CPXM2: variants seen among roughly 807,000 people sequenced by gnomAD.
CPXM2 encodes the protein inactive carboxypeptidase-like protein X2.
In CPXM2, 66 loss-of-function variants were observed where a neutral mutation model predicts 86.1. The ratio of observed to expected loss-of-function variants is 0.77; its 90% CI spans 0.63 to 0.94. CPXM2 has a LOEUF of 0.94. CPXM2 is among the 40% of genes least tolerant of loss of function. CPXM2 has a pLI of 0.00. For missense variants in CPXM2, 948 were observed against 1,026.3 expected (o/e 0.92, Z 1.04); for synonymous variants, 388 against 400.2 (o/e 0.97, Z 0.36).
chr10:123,822,566 G>A (rs956731267), intron 4 of CPXM2, among the ~76,000 whole-genome samples: 2 of 151,958 alleles, frequency 1.3e-5, no homozygotes, highest in Admixed American at 6.6e-5. Context: ...GCGAGTTGGG[G>A]GAGGCACTTC....
intron 4 of CPXM2, among the ~76,000 whole-genome samples, chr10:123,831,872 C>T (rs1305785416): frequency 2.0e-5 from 3 of 151,094 alleles, no homozygotes; most frequent in Non-Finnish European, 4.4e-5. Flanking sequence ...AAACTTAATT[C>T]TTTGCCATGT....
intron 2 of CPXM2, among the ~76,000 whole-genome samples, chr10:123,934,172 A>G (rs1315025222): frequency 6.6e-6 from 1 of 152,190 alleles, no homozygotes; most frequent in Non-Finnish European, 1.5e-5. Context: ...GGTCTGCTGT[A>G]CCCAATGACA....
intron 12 of CPXM2, among the ~76,000 whole-genome samples, chr10:123,756,304 T>C (rs941759692): frequency 6.6e-6 from 1 of 152,218 alleles, no homozygotes; most frequent in African/African-American, 2.4e-5. Context: ...ACTTTCCAGG[T>C]AGTCTGTTCC....
chr10:123,911,884 C>T (rs1347258341), intron 2 of CPXM2, among the ~76,000 whole-genome samples: 1 of 152,182 alleles, frequency 6.6e-6, no homozygotes, highest in East Asian at 2.0e-4. Flanking sequence ...CAATTCTTGC[C>T]TCCTCCGAAG....
chr10:123,806,299 G>C (rs955337122), intron 4 of CPXM2, among the ~76,000 whole-genome samples: 1 of 152,012 alleles, frequency 6.6e-6, no homozygotes, highest in African/African-American at 2.4e-5. Context: ...GATTTTATTG[G>C]CTTGTGAGGC....
intron 13 of CPXM2, among the ~76,000 whole-genome samples, chr10:123,749,812 G>A (rs1846034850): frequency 6.6e-6 from 1 of 152,156 alleles, no homozygotes; most frequent in Admixed American, 6.5e-5. Context: ...TTCTTGTTTT[G>A]TTTTGTTTTT....
chr10:123,836,503 G>A (rs1479723734), intron 4 of CPXM2, among the ~76,000 whole-genome samples: 1 of 152,086 alleles, frequency 6.6e-6, no homozygotes, highest in Non-Finnish European at 1.5e-5. Context: ...CAACTCCACT[G>A]CCCCTGGTGA....
chr10:123,930,480 C>T lies in CPXM2; in HGVS notation n.174+8997G>A, dbSNP rs77089437. Among the ~76,000 whole-genome samples, 218 of 152,314 alleles carry T rather than the reference C, an allele frequency of 1.4e-3. 5 individuals carry two copies. The East Asian group carries it at 0.039, about 27-fold the overall frequency. The stretch of plus-strand genomic sequence containing the variant: ...GGGACCAGGACTGCAGGAGAGGCCA[C>T]GTGAGTGCTGGTACCTTTGTGGGTT... On this transcript the variant is annotated intron_variant and non_coding_transcript_variant, in intron 2 of 19. Transcript: ENST00000368854.
chr10:123,775,900 A>G (rs925267137), intron 7 of CPXM2, among the ~76,000 whole-genome samples: 6 of 152,252 alleles, frequency 3.9e-5, no homozygotes, highest in African/African-American at 1.4e-4. Flanking sequence ...GAACATCCCC[A>G]GGAATGAAGT....
chr10:123,883,801 GC>G (rs997827149), intron 1 of CPXM2, among the ~76,000 whole-genome samples: 4 of 151,960 alleles, frequency 2.6e-5, no homozygotes, highest in Non-Finnish European at 4.4e-5. Flanking sequence ...CAGCACACAG[GC>G]CCCCCCTTCA....
At chr10:123,826,229 C>T (rs573175899) in intron 4 of CPXM2, among the ~76,000 whole-genome samples, 1 of 152,280 alleles carries the variant, frequency 6.6e-6, no homozygotes, top group South Asian at 2.1e-4. Context: ...ACTCCCCCTT[C>T]AATGACAGGA....
At chr10:123,819,803 G>T (rs1289578005) in intron 4 of CPXM2, among the ~76,000 whole-genome samples, 1 of 152,180 alleles carries the variant, frequency 6.6e-6, no homozygotes, top group African/African-American at 2.4e-5. Context: ...GCTTGTGATA[G>T]CTAATATTGA....
upstream of CPXM2, chr10:123,940,300 G>C (rs981717237): frequency 1.3e-5 from 2 of 152,302 alleles, no homozygotes; most frequent in African/African-American, 4.8e-5. Context: ...GATGTACACA[G>C]GACATCTGTG....
chr10:123,870,142 G>A (rs1026695171), intron 2 of CPXM2, among the ~76,000 whole-genome samples: 3 of 152,172 alleles, frequency 2.0e-5, no homozygotes, highest in African/African-American at 4.8e-5. Flanking sequence ...GATGGGCATC[G>A]TCGCTCATCA....
In CPXM2 at chr10:123,754,628, T is replaced by C. The variant is rs767557735; in HGVS notation, c.2017+35A>G. On this transcript the variant is annotated intron_variant, in intron 13 of 13. Coordinates refer to ENST00000241305, the MANE Select transcript of CPXM2 (RefSeq NM_198148.3). This position sits in a 1 kb window ranked among gnomAD's most constrained non-coding sequence, Gnocchi z 4.0. ...AAATGCCTAAAAAAATGGGTATTTCTTACCAAGAGACAGTCTGCACACATT... is the reference window on the plus strand; with the variant it reads ...AAATGCCTAAAAAAATGGGTATTTCCTACCAAGAGACAGTCTGCACACATT... The C allele has an allele frequency of 2.5e-5, 29 of 1,154,486 alleles. 1 individual carries two copies. The highest frequency in any genetic ancestry group is 3.5e-5 in the Non-Finnish European group (27 of 763,068). 71.5% of individuals were successfully genotyped at this position (1,154,486 alleles called of 1,614,324 possible).
At chr10:123,860,431 T>C (rs1028523697) in intron 3 of CPXM2, among the ~76,000 whole-genome samples, 16 of 152,194 alleles carry the variant, frequency 1.1e-4, no homozygotes, top group Non-Finnish European at 2.2e-4. Flanking sequence ...TGGCACACCC[T>C]GCGTGGCACT....
chr10:123,823,555 T>C (rs1264622753), intron 4 of CPXM2, among the ~76,000 whole-genome samples: 1 of 152,112 alleles, frequency 6.6e-6, no homozygotes, highest in Non-Finnish European at 1.5e-5. Context: ...TAAACAACAA[T>C]TCAATAATAA....
intron 6 of CPXM2, among the ~76,000 whole-genome samples, chr10:123,783,138 CATT>C (rs1846973342): frequency 6.6e-6 from 1 of 152,242 alleles, no homozygotes; most frequent in Non-Finnish European, 1.5e-5. Context: ...CCAGAAAACT[CATT>C]AATAACCCAC....
At chr10:123,854,634 C>T (rs1848680596) in intron 3 of CPXM2, among the ~76,000 whole-genome samples, 1 of 150,542 alleles carries the variant, frequency 6.6e-6, no homozygotes, top group Non-Finnish European at 1.5e-5. Flanking sequence ...AGTGATGGCT[C>T]GGCTTGTTCA....
Sources: gnomAD v4.1 joint callset for allele counts (sites outside exome capture counted in the v4.1 genomes callset) on GRCh38, gnomAD v4.1.1 for gene constraint, Gnocchi (gnomAD v3.1) non-coding constraint, MANE v1.5 for transcripts, NCBI Gene and HGNC (gene_info 2026-07-23, HGNC 2026-07-21) for gene names.